DIAPH2: variants seen among roughly 807,000 people sequenced by gnomAD.
DIAPH2 encodes the protein diaphanous related formin 2.
In DIAPH2, 35 loss-of-function variants were observed where a neutral mutation model predicts 92.7. The ratio of observed to expected loss-of-function variants is 0.38; its 90% confidence interval spans 0.29 to 0.50. DIAPH2 has a LOEUF of 0.50. DIAPH2 is among the 20% of genes least tolerant of loss of function. The probability of loss-of-function intolerance (pLI) is 0.94; values close to 1 mark genes in which losing one functional copy is unlikely to be tolerated. For synonymous variants in DIAPH2, 301 were observed against 280.4 expected, an observed-to-expected ratio of 1.07 and a Z score of -0.73; for missense variants, 701 against 819.5, an observed-to-expected ratio of 0.86 and a Z score of 1.77.
intron 18 of DIAPH2, among the ~76,000 whole-genome samples, chrX:97,074,270 A>G (rs1447580564): frequency 9.0e-6 from 1 of 110,965 alleles, no homozygotes; most frequent in Non-Finnish European, 1.9e-5. Context: ...GCCGGGCGTG[A>G]TGGCTCATGC....
intron 17 of DIAPH2, among the ~76,000 whole-genome samples, chrX:97,054,785 A>G (rs1602309105): frequency 9.0e-6 from 1 of 111,070 alleles, no homozygotes; most frequent in African/African-American, 3.3e-5. Context: ...GGGAGAAAAA[A>G]TAAGGATAAG....
chrX:97,154,213 A>G (rs1035254043), intron 22 of DIAPH2, among the ~76,000 whole-genome samples: 2 of 111,507 alleles, frequency 1.8e-5, no homozygotes, highest in Non-Finnish European at 3.8e-5. Context: ...TATATTAAGC[A>G]TGGTTTTATA....
At position 97,437,259 on chromosome X, in the gene DIAPH2, C is replaced by A. The variant is rs754284748; in HGVS notation, c.3241+7514C>A. On this transcript the variant is annotated intron_variant, in intron 26 of 26. Coordinates refer to ENST00000324765, the MANE Select transcript of DIAPH2 (RefSeq NM_006729.5). ...GTTTTATAAATGTCAGAATCTTATA[C>A]TACCACACTAAGCCCCATTTAGTCT... Among the ~76,000 whole-genome samples the A allele has an allele frequency of 2.7e-5, 3 of 112,028 alleles. No individual in the cohort carries two copies. In the East Asian group the frequency reaches 8.4e-4, roughly 31 times the overall value.
At position 97,516,211 on chromosome X, in the gene DIAPH2, C is replaced by T. The variant is rs745585529; in HGVS notation, c.3242-83042C>T. 1.0e-4 allele frequency among the ~76,000 whole-genome samples: 11 copies of T among 109,512 alleles called. No homozygotes were observed. The South Asian group carries it at 2.0e-3, about 20-fold the overall frequency. ...TGGAGGTTGCAGTGAGCCGAGATCG[C>T]GCCACTGCATTCCAGCCTCAGCGAC... On this transcript the variant is annotated intron_variant, in intron 26 of 26. Coordinates refer to ENST00000324765, the MANE Select transcript of DIAPH2 (RefSeq NM_006729.5).
chrX:96,865,302 G>A lies in DIAPH2; in HGVS notation c.448-16277G>A, dbSNP rs377349389. 1.3e-3 allele frequency among the ~76,000 whole-genome samples: 145 copies of A among 111,732 alleles called. 1 individual carries two copies. Among genetic ancestry groups the A allele is most frequent in the African/African-American group, 4.3e-3 (133 of 30,763 alleles). On this transcript the variant is annotated intron_variant, in intron 4 of 26. Coordinates refer to ENST00000324765, the MANE Select transcript of DIAPH2 (RefSeq NM_006729.5). Reference sequence around the variant, plus strand: ...CAGTAGGATATAATAACTCCCACAAGCTTAGTGTTCCGATACTGGAACAGT... The same window carrying A: ...CAGTAGGATATAATAACTCCCACAAACTTAGTGTTCCGATACTGGAACAGT...
chrX:96,952,953 T>C (rs1330455174), intron 15 of DIAPH2, among the ~76,000 whole-genome samples: 1 of 104,716 alleles, frequency 9.5e-6, no homozygotes, highest in Non-Finnish European at 1.9e-5. Flanking sequence ...TGAGACCCCA[T>C]CTTAAAAAAA....
At position 97,444,807 on chromosome X, in the gene DIAPH2, A is replaced by T. The variant is rs187717624; in HGVS notation, c.3241+15062A>T. Reference sequence around the variant, plus strand: ...ATTGAAAAGAAAAAGGACTTTAAAAAGTACTTTTCTAGTACATAGATTTTA... The same window carrying T: ...ATTGAAAAGAAAAAGGACTTTAAAATGTACTTTTCTAGTACATAGATTTTA... On this transcript the variant is annotated intron_variant, in intron 26 of 26. Coordinates refer to ENST00000324765, the MANE Select transcript of DIAPH2 (RefSeq NM_006729.5). Among the ~76,000 whole-genome samples, 52 of 112,051 alleles carry T rather than the reference A, an allele frequency of 4.6e-4. No individual in the cohort carries two copies. The East Asian group carries it at 5.9e-3, about 13-fold the overall frequency.
At chrX:96,949,081 G>A (rs757988262) in intron 15 of DIAPH2, 42 bp downstream of exon 15, 36 of 905,288 alleles carry the variant, frequency 4.0e-5, no homozygotes, top group Non-Finnish European at 5.1e-5. Flanking sequence ...GTCACAATGA[G>A]TTTGATGGTA....
chrX:96,934,510 T>C (rs1185172459), intron 10 of DIAPH2, among the ~76,000 whole-genome samples: 3 of 108,580 alleles, frequency 2.8e-5, no homozygotes, highest in Admixed American at 2.0e-4. Flanking sequence ...ATTTCAGTAA[T>C]CCTTGAGATC....
At chrX:97,211,272 AGGGCATGAGT>A (rs1569330835) in intron 22 of DIAPH2, among the ~76,000 whole-genome samples, 4 of 111,395 alleles carry the variant, frequency 3.6e-5, no homozygotes, top group Admixed American at 9.6e-5. Flanking sequence ...AGATGAAGTC[AGGGCATGAGT>A]AATGTTCTAT....
chrX:97,264,782 A>G (rs777916252), intron 23 of DIAPH2, among the ~76,000 whole-genome samples: 1 of 111,548 alleles, frequency 9.0e-6, no homozygotes, highest in African/African-American at 3.3e-5. Flanking sequence ...TCAAGAGTTC[A>G]ATACCAGCCT....
intron 23 of DIAPH2, among the ~76,000 whole-genome samples, chrX:97,287,038 A>G (rs908565917): frequency 4.5e-5 from 5 of 111,596 alleles, no homozygotes; most frequent in African/African-American, 9.8e-5. Context: ...ACCCTTTCAT[A>G]TTTGTGAAAT....
chrX:96,823,739 G>T (rs2064793626), intron 4 of DIAPH2, among the ~76,000 whole-genome samples: 1 of 109,452 alleles, frequency 9.1e-6, no homozygotes. Flanking sequence ...CCCTATTTTT[G>T]CCTTGTTTAC....
rs769381774 is a variant in DIAPH2 at position 97,264,298 on chromosome X, A to C, written c.2844+16459A>C. ...TTTCATTTTTTGCTTTAAGAAGGTC[A>C]CATAGGTGCTCTATAGGCACAGATG... On this transcript the variant is annotated intron_variant, in intron 23 of 26. Coordinates refer to ENST00000324765, the MANE Select transcript of DIAPH2 (RefSeq NM_006729.5). 1.5e-4 allele frequency among the ~76,000 whole-genome samples: 17 copies of C among 111,502 alleles called. No individual in the cohort carries two copies. The South Asian group carries it at 6.4e-3, about 42-fold the overall frequency.
intron 16 of DIAPH2, among the ~76,000 whole-genome samples, chrX:96,962,420 CATATATATACATATATATATACAT>C (rs1422255725): frequency 1.7e-5 from 1 of 60,170 alleles, no homozygotes; most frequent in African/African-American, 7.8e-5. Context: ...TATATATACA[CATATATATACATATATATATACAT>C]ATATACACAC....
intron 26 of DIAPH2, among the ~76,000 whole-genome samples, chrX:97,497,126 A>T (rs554718642): frequency 5.4e-5 from 6 of 110,882 alleles, no homozygotes; most frequent in African/African-American, 2.0e-4. Flanking sequence ...TCTGAGTTTG[A>T]TTAGTCCAAA....
At chrX:97,259,295 C>G (rs1164833096) in intron 23 of DIAPH2, among the ~76,000 whole-genome samples, 1 of 110,386 alleles carries the variant, frequency 9.1e-6, no homozygotes, top group East Asian at 2.8e-4. Context: ...CCACTGCAGT[C>G]CAGCCTGTGT....
At chrX:96,917,758 G>A (rs912948152) in intron 8 of DIAPH2, among the ~76,000 whole-genome samples, 1 of 110,177 alleles carries the variant, frequency 9.1e-6, no homozygotes, top group Admixed American at 9.7e-5. Context: ...AATCACCTGG[G>A]CTTTCCTTTT....
intron 19 of DIAPH2, among the ~76,000 whole-genome samples, chrX:97,094,043 CAGT>C (rs1379212740): frequency 9.0e-6 from 1 of 111,413 alleles, no homozygotes; most frequent in African/African-American, 3.3e-5. Context: ...AAAAGGATGC[CAGT>C]TCTGTTGGCA....
Sources: allele counts gnomAD v4.1 joint callset (sites outside exome capture counted in the v4.1 genomes callset), GRCh38; gene constraint gnomAD v4.1.1; transcripts MANE v1.5; gene names NCBI Gene and HGNC (gene_info 2026-07-23, HGNC 2026-07-21).